The following SAFB variants were observed in gnomAD, a reference collection of about 807,000 sequenced individuals.
The protein encoded by SAFB is scaffold attachment factor B, also known as scaffold attachment factor B1.
A neutral mutation model predicts 101.6 loss-of-function variants in SAFB; 15 were observed. The observed-to-expected ratio is 0.15, with a 90% CI of 0.10 to 0.23. The LOEUF is 0.23. Ranked by LOEUF, SAFB falls within the 10% of genes least tolerant of loss-of-function variation. The probability of loss-of-function intolerance (pLI) is 1.00; values close to 1 mark genes in which losing one functional copy is unlikely to be tolerated. For missense variants in SAFB, 930 were observed against 1,104.1 expected (o/e 0.84, Z 2.23); for synonymous variants, 449 against 407.5 (o/e 1.10, Z -1.23).
chr19:5,630,172 A>G (rs1242825380), intron 2 of SAFB, among the ~76,000 whole-genome samples: 1 of 152,230 alleles, frequency 6.6e-6, no homozygotes, highest in Non-Finnish European at 1.5e-5. Flanking sequence ...TATATAGAAG[A>G]AAAGTATTTC....
rs1340909134 is a variant in SAFB at position 5,651,025 on chromosome 19, A to G, written c.1246A>G (p.Thr416Ala). The G allele has an allele frequency of 6.2e-7, 1 of 1,610,492 alleles. No individual in the cohort carries two copies. Among genetic ancestry groups the G allele is most frequent in the Non-Finnish European group, 8.5e-7 (1 of 1,178,182 alleles). ...RNFWVSGLSSTTRATDLKNLF... is the reference protein window; with the variant it reads ...RNFWVSGLSSATRATDLKNLF... ...TTTCTGGGTTAGTGGACTCTCTTCTACAACCAGAGCTACAGATTTGAAGAA... is the reference window on the plus strand; with the variant it reads ...TTTCTGGGTTAGTGGACTCTCTTCTGCAACCAGAGCTACAGATTTGAAGAA... The change falls in exon 9 of 21, where the codon ACA becomes GCA. Residue 416 changes from threonine to alanine, a missense_variant. Thr to Ala is a moderately conservative substitution (Grantham distance 58). This residue lies in a region of SAFB where 68 missense variants were observed against 122.1 expected (regional missense o/e 0.56). Coordinates refer to ENST00000588852, the MANE Select transcript of SAFB (RefSeq NM_001201338.2).
chr19:5,635,480 G>A (rs1274612603), intron 2 of SAFB, among the ~76,000 whole-genome samples: 1 of 152,126 alleles, frequency 6.6e-6, no homozygotes, highest in African/African-American at 2.4e-5. Context: ...CTCTTAAGAG[G>A]ACAGTAGGGA....
chr19:5,625,390 T>C (rs1349623458), intron 1 of SAFB, among the ~76,000 whole-genome samples: 1 of 152,206 alleles, frequency 6.6e-6, no homozygotes, highest in Non-Finnish European at 1.5e-5. Flanking sequence ...TCAGTCCCTT[T>C]TCTGGCTTCT....
At chr19:5,648,264 G>C (rs2053866333) in intron 6 of SAFB, 2 of 548,762 alleles carry the variant, frequency 3.6e-6, no homozygotes, top group Non-Finnish European at 6.4e-6. Context: ...AAATGTATTG[G>C]TGAGATGAAA....
chr19:5,635,730 G>C (rs1237362347), intron 2 of SAFB, among the ~76,000 whole-genome samples: 1 of 152,104 alleles, frequency 6.6e-6, no homozygotes, highest in Admixed American at 6.5e-5. Flanking sequence ...CTTAACAGAA[G>C]GCAAGAGATG....
At chr19:5,658,362 T>C (rs1361895305) in intron 14 of SAFB, among the ~76,000 whole-genome samples, 1 of 152,252 alleles carries the variant, frequency 6.6e-6, no homozygotes, top group African/African-American at 2.4e-5. Flanking sequence ...GAATTACAGC[T>C]AATTTATTTT....
chr19:5,658,736 G>A (rs927808274), intron 14 of SAFB, among the ~76,000 whole-genome samples: 7 of 151,948 alleles, frequency 4.6e-5, no homozygotes, highest in African/African-American at 7.3e-5. Flanking sequence ...CCAGCTACTC[G>A]GTAGGCTGAG....
At chr19:5,647,036 G>C (rs960850492) in intron 5 of SAFB, among the ~76,000 whole-genome samples, 1 of 152,214 alleles carries the variant, frequency 6.6e-6, no homozygotes, top group Non-Finnish European at 1.5e-5. Flanking sequence ...GTGTATGTAA[G>C]GTGCTTACAT....
At chr19:5,650,083 T>C in intron 8 of SAFB, 108 bp downstream of exon 8, 1 of 847,140 alleles carries the variant, frequency 1.2e-6, no homozygotes, top group Non-Finnish European at 2.0e-6. Flanking sequence ...AGGAGACTCC[T>C]GAGACGTTTG....
At chr19:5,640,837 T>C (rs2053693683) in intron 2 of SAFB, among the ~76,000 whole-genome samples, 1 of 152,070 alleles carries the variant, frequency 6.6e-6, no homozygotes, top group African/African-American at 2.4e-5. Context: ...GTGATCCACC[T>C]GTCTCGGCCT....
intron 1 of SAFB, among the ~76,000 whole-genome samples, chr19:5,625,867 G>A (rs769173080): frequency 2.0e-5 from 3 of 152,176 alleles, no homozygotes; most frequent in African/African-American, 4.8e-5. Context: ...GACGGGTCTC[G>A]TGCGTAACAC....
rs763918902 is a variant in SAFB, at chr19:5,641,572, C to A, written c.275-22C>A. ...AAAGTGCGTATCATTTGATCTCATG[C>A]TGTAAATGATTCTGTCTTCAGGGCG... is the stretch of plus-strand genomic sequence containing the variant. On this transcript the variant is annotated intron_variant, in intron 2 of 20. Transcript: ENST00000588852. 59 of 1,604,646 alleles carry A rather than the reference C, an allele frequency of 3.7e-5. No homozygotes were observed. The Middle Eastern group carries it at 8.2e-4, about 22-fold the overall frequency.
chr19:5,660,505 T>C (rs2054173068), intron 14 of SAFB, among the ~76,000 whole-genome samples: 1 of 151,564 alleles, frequency 6.6e-6, no homozygotes, highest in African/African-American at 2.4e-5. Flanking sequence ...GCCTGGCTAA[T>C]ATTATTTTTT....
chr19:5,634,440 CTCT>C (rs567514642), intron 2 of SAFB, among the ~76,000 whole-genome samples: 6 of 152,152 alleles, frequency 3.9e-5, no homozygotes, highest in Non-Finnish European at 8.8e-5. Context: ...CTAATCTTAT[CTCT>C]TCTTGTGTAA....
In SAFB at chr19:5,623,211, G is replaced by A. The variant is rs768350146; in HGVS notation, c.6G>A (p.Ala2=). The A allele has an allele frequency of 1.3e-6, 2 of 1,589,872 alleles. No individual in the cohort carries two copies. Among genetic ancestry groups the A allele is most frequent in the African/African-American group, 2.7e-5 (2 of 74,204 alleles). The change falls in exon 1 of 21, where the codon GCG becomes GCA. Residue 2 remains alanine, a synonymous_variant. Coordinates refer to ENST00000588852, the MANE Select transcript of SAFB (RefSeq NM_001201338.2). ...GCGGAGCCAGGGTCCCTGGAATGGC[G>A]GAGACTCTGTCAGGCCTAGGTGATT... is the stretch of plus-strand genomic sequence containing the variant. M[A]ETLSGLGDSG...
intron 2 of SAFB, among the ~76,000 whole-genome samples, chr19:5,627,685 G>T (rs1261176540): frequency 6.6e-6 from 1 of 152,026 alleles, no homozygotes; most frequent in African/African-American, 2.4e-5. Flanking sequence ...TACTCTCCTG[G>T]TTCTCTGTGA....
rs369257872 is a variant in SAFB, at chr19:5,667,837, T to A, written c.2575T>A (p.Ser859Thr). Residue 859 changes from serine to threonine, a missense_variant, in exon 20 of 21, where the codon TCC (serine) becomes ACC (threonine). This residue lies in a region of SAFB where 318 missense variants were observed against 342.6 expected (regional missense o/e 0.93). Coordinates refer to ENST00000588852, the MANE Select transcript of SAFB (RefSeq NM_001201338.2). This position sits in a 1 kb window ranked among gnomAD's most constrained non-coding sequence, Gnocchi z 4.0. ...KRWQGGERSM[S>T]GHSGPGHMMN... is the part of the protein sequence containing the mutation. ...TCTTCCAGGTGGCGAGAGAAGCATG[T>A]CCGGTCACTCCGGGCCTGGCCACAT... 2 of 1,613,742 alleles carry A rather than the reference T, an allele frequency of 1.2e-6. No individual in the cohort carries two copies. Among genetic ancestry groups the A allele is most frequent in the Non-Finnish European group, 1.7e-6 (2 of 1,179,836 alleles).
intron 9 of SAFB, among the ~76,000 whole-genome samples, chr19:5,651,806 G>A (rs556561819): frequency 1.6e-4 from 24 of 152,348 alleles, no homozygotes; most frequent in African/African-American, 5.5e-4. Context: ...ACCAAAGGAA[G>A]GAGTCCAATC....
At chr19:5,657,819 C>G (rs185954189) in intron 14 of SAFB, among the ~76,000 whole-genome samples, 143 of 152,216 alleles carry the variant, frequency 9.4e-4, no homozygotes, top group African/African-American at 3.3e-3. Flanking sequence ...GCCACTGCAC[C>G]CGGCCTACTT....
Sources: gnomAD v4.1 joint callset for allele counts (sites outside exome capture counted in the v4.1 genomes callset) on GRCh38, gnomAD v4.1.1 for gene constraint, gnomAD v4.1.1 regional missense constraint, Gnocchi (gnomAD v3.1) non-coding constraint, MANE v1.5 for transcripts, NCBI Gene and HGNC (gene_info 2026-07-23, HGNC 2026-07-21) for gene names.